The following THEMIS variants were observed in gnomAD, a reference collection of about 807,000 sequenced individuals.
THEMIS encodes protein THEMIS.
In THEMIS, 37 loss-of-function variants were observed where a neutral mutation model predicts 52.6. The observed-to-expected ratio is 0.70, with a 90% CI of 0.54 to 0.93. The LOEUF (loss-of-function observed/expected upper bound fraction) is 0.93, where lower values mean the gene tolerates loss of function less well. THEMIS is among the 40% of genes least tolerant of loss of function. The pLI is 0.00. For missense variants in THEMIS, 808 were observed against 763.1 expected, an observed-to-expected ratio of 1.06 and a Z score of -0.69; for synonymous variants, 292 against 272.7, an observed-to-expected ratio of 1.07 and a Z score of -0.70.
intron 1 of THEMIS, among the ~76,000 whole-genome samples, chr6:127,873,165 C>T (rs1476555405): frequency 6.6e-6 from 1 of 152,104 alleles, no homozygotes; most frequent in Non-Finnish European, 1.5e-5. Flanking sequence ...AATGGAAAGA[C>T]ATACTGTTTT....
At chr6:127,731,493 A>C (rs1344672305) in intron 4 of THEMIS, among the ~76,000 whole-genome samples, 1 of 151,970 alleles carries the variant, frequency 6.6e-6, no homozygotes, top group Non-Finnish European at 1.5e-5. Flanking sequence ...TGTGCTTACT[A>C]AGTGTCAGGC....
chr6:127,917,350 G>A lies in THEMIS; in HGVS notation c.-150+1078C>T, dbSNP rs542104262. Among the ~76,000 whole-genome samples, 30 of 152,270 alleles carry A rather than the reference G, an allele frequency of 2.0e-4. 1 individual carries two copies. In the East Asian group the frequency reaches 4.6e-3, roughly 24 times the overall value. ...ATCAATTAGGATCCTTTGGTTGCAAGCTACATAAATCAACAATAATTAAAG... is the reference window on the plus strand; with the variant it reads ...ATCAATTAGGATCCTTTGGTTGCAAACTACATAAATCAACAATAATTAAAG... On this transcript the variant is annotated intron_variant, in intron 1 of 6. Transcript: ENST00000368250.
At chr6:127,782,575 C>A (rs1410660211) in intron 4 of THEMIS, among the ~76,000 whole-genome samples, 1 of 152,214 alleles carries the variant, frequency 6.6e-6, no homozygotes, top group Non-Finnish European at 1.5e-5. Flanking sequence ...CCTTGCACTT[C>A]CCTGGTGAGG....
chr6:127,703,628 TA>T (rs1306678752), downstream of THEMIS, among the ~76,000 whole-genome samples: 2 of 152,256 alleles, frequency 1.3e-5, no homozygotes, highest in Admixed American at 1.3e-4. Context: ...GCTAGTCACC[TA>T]AAAGGGTATG....
At chr6:127,896,411 ATAAC>A (rs1780969086) in intron 1 of THEMIS, among the ~76,000 whole-genome samples, 1 of 151,552 alleles carries the variant, frequency 6.6e-6, no homozygotes, top group Non-Finnish European at 1.5e-5. Context: ...AAAAAATCAA[ATAAC>A]TAAGAATAAA....
At chr6:127,858,704 T>A (rs1376895868) in intron 1 of THEMIS, among the ~76,000 whole-genome samples, 12 of 152,128 alleles carry the variant, frequency 7.9e-5, no homozygotes, top group Admixed American at 7.9e-4. Context: ...GACATACATA[T>A]TAAAATGGCT....
chr6:127,740,501 C>T (rs550194672), intron 4 of THEMIS, among the ~76,000 whole-genome samples: 2 of 152,322 alleles, frequency 1.3e-5, no homozygotes, highest in South Asian at 4.1e-4. Flanking sequence ...CATAGTCAGT[C>T]CAACTGGTTC....
chr6:127,705,725 G>A (rs572113292), downstream of THEMIS, among the ~76,000 whole-genome samples: 1 of 152,258 alleles, frequency 6.6e-6, no homozygotes, highest in East Asian at 1.9e-4. Flanking sequence ...CAGACCAGGT[G>A]ACACAATTTG....
Position 127,813,369 on chromosome 6 carries a change from C to A in THEMIS, c.1272G>T (p.Ala424=). ...EKILKKSYEA[A]LLPLYMEGGF... ...CTCCTTCCATGTACAAAGGGAGCAG[C>A]GCAGCCTCATAGGACTTTTTGAGGA... is the stretch of plus-strand genomic sequence containing the variant. The change falls in exon 4 of 6, where the codon GCG becomes GCT. Residue 424 remains alanine, a synonymous_variant. Coordinates refer to ENST00000368248, the MANE Select transcript of THEMIS (RefSeq NM_001010923.3). 1 of 1,613,984 alleles carries A rather than the reference C, an allele frequency of 6.2e-7. No homozygotes were observed. Among genetic ancestry groups the A allele is most frequent in the Non-Finnish European group, 8.5e-7 (1 of 1,179,950 alleles).
intron 3 of THEMIS, among the ~76,000 whole-genome samples, chr6:127,828,279 T>TA (rs149174236): frequency 0.013 from 2,014 of 152,306 alleles, 49 homozygotes; most frequent in African/African-American, 0.046. Context: ...CTATTATTTA[T>TA]AAAAATCAAA....
At chr6:127,698,635 C>A in the THEMIS span, among the ~76,000 whole-genome samples, 1 of 152,014 alleles carries the variant, frequency 6.6e-6, no homozygotes, top group East Asian at 1.9e-4. Flanking sequence ...ATGAAACAAT[C>A]ATACAGGACC....
intron 4 of THEMIS, among the ~76,000 whole-genome samples, chr6:127,800,257 T>G (rs1777487109): frequency 6.6e-6 from 1 of 152,210 alleles, no homozygotes. Flanking sequence ...TTCTTATATT[T>G]TAGATTTTTT....
intron 5 of THEMIS, among the ~76,000 whole-genome samples, chr6:127,715,701 T>G (rs938400517): frequency 2.0e-5 from 3 of 151,918 alleles, no homozygotes; most frequent in African/African-American, 7.2e-5. Context: ...AGTTTGTTTT[T>G]TTCTGACCTG....
intron 1 of THEMIS, among the ~76,000 whole-genome samples, chr6:127,860,249 T>G (rs1053511956): frequency 6.6e-5 from 10 of 152,148 alleles, no homozygotes; most frequent in African/African-American, 2.4e-4. Context: ...CATGATATTT[T>G]AATGCAGGGT....
intron 4 of THEMIS, among the ~76,000 whole-genome samples, chr6:127,733,603 G>A (rs9482835): frequency 6.6e-6 from 1 of 152,016 alleles, no homozygotes; most frequent in East Asian, 1.9e-4. Context: ...TTATAAACAG[G>A]TACCAGCTTT....
At chr6:127,908,478 A>G (rs1420701622) in intron 1 of THEMIS, among the ~76,000 whole-genome samples, 2 of 152,162 alleles carry the variant, frequency 1.3e-5, no homozygotes, top group African/African-American at 4.8e-5. Context: ...ATTTTTTTAC[A>G]CGCAGTTCTG....
chr6:127,706,789 G>T (rs1773812550), downstream of THEMIS, among the ~76,000 whole-genome samples: 1 of 152,076 alleles, frequency 6.6e-6, no homozygotes, highest in Admixed American at 6.5e-5. Context: ...AGGAAGTAAG[G>T]GAGTGACCTG....
chr6:127,768,311 C>T (rs1395787657), intron 4 of THEMIS, among the ~76,000 whole-genome samples: 2 of 152,040 alleles, frequency 1.3e-5, no homozygotes, highest in Non-Finnish European at 2.9e-5. Context: ...ACTTAAATGC[C>T]ACACTGTGTT....
intron 1 of THEMIS, among the ~76,000 whole-genome samples, chr6:127,906,479 A>G: frequency 6.6e-6 from 1 of 152,038 alleles, no homozygotes; most frequent in Non-Finnish European, 1.5e-5. Context: ...CATCTATATT[A>G]CAAACTGTTG....
Sources: gnomAD v4.1 joint callset for allele counts (sites outside exome capture counted in the v4.1 genomes callset) on GRCh38, gnomAD v4.1.1 for gene constraint, MANE v1.5 for transcripts, NCBI Gene and HGNC (gene_info 2026-07-23, HGNC 2026-07-21) for gene names.